The following DCAF4 variants were observed in gnomAD, a reference collection of about 807,000 sequenced individuals.
DCAF4 encodes DDB1 and CUL4 associated factor 4, also known as DDB1- and CUL4-associated factor 4.
Under a neutral mutation model 60.9 loss-of-function variants are expected in DCAF4, and 37 were observed. That is an observed-to-expected ratio of 0.61 (90% confidence interval 0.47 to 0.80). The LOEUF (loss-of-function observed/expected upper bound fraction) is 0.80. Ranked by LOEUF, DCAF4 falls within the 30% of genes least tolerant of loss-of-function variation. The pLI, the probability that DCAF4 is intolerant of heterozygous loss-of-function variation, is 0.00. For synonymous variants in DCAF4, 243 were observed against 254.8 expected, an observed-to-expected ratio of 0.95 and a Z score of 0.44; for missense variants, 577 against 650.0, an observed-to-expected ratio of 0.89 and a Z score of 1.22.
Position 72,942,953 on chromosome 14 carries a change from G to A in DCAF4, c.432-41G>A, listed in dbSNP as rs776113076. On this transcript the variant is annotated intron_variant, in intron 5 of 13. Transcript: ENST00000358377. ...AGACCCCCGAATCTTCTTCATGGAT[G>A]TCAGCTTCAGCATCCATGCCCCCAC... The A allele has an allele frequency of 6.4e-5, 102 of 1,595,158 alleles. No individual in the cohort carries two copies. In the East Asian group the frequency reaches 2.3e-3, roughly 35 times the overall value.
chr14:72,958,675 C>A lies in DCAF4; in HGVS notation c.1358C>A (p.Pro453His). Reference protein sequence around the residue: ...LHDARLLRTIPSPYPASKADI... With the variant: ...LHDARLLRTIHSPYPASKADI... ...GATGCCCGCCTACTGAGAACCATAC[C>A]CTCCCCGTACCCTGCCTCCAAGGCC... Residue 453 changes from proline (P) to histidine (H), a missense_variant, in exon 14 of 14, where the codon CCC (proline) becomes CAC (histidine). Physicochemically the swap from Pro to His is moderately conservative, Grantham distance 77. Transcript: ENST00000358377. 6.2e-7 allele frequency: 1 copy of A among 1,614,222 alleles called. No homozygotes were observed. Among genetic ancestry groups the A allele is most frequent in the Non-Finnish European group, 8.5e-7 (1 of 1,180,048 alleles).
At chr14:72,944,222 C>T (rs1208929447) in intron 6 of DCAF4, among the ~76,000 whole-genome samples, 1 of 152,122 alleles carries the variant, frequency 6.6e-6, no homozygotes, top group Non-Finnish European at 1.5e-5. Flanking sequence ...CCAAAGTTAC[C>T]GTGACTCTGG....
rs1567307708 is a variant in DCAF4 at position 72,941,839 on chromosome 14, CTT to C, written c.431+17_431+18del. 1.4e-5 allele frequency: 23 copies of C among 1,611,780 alleles called. No individual in the cohort carries two copies. The highest frequency in any genetic ancestry group is 1.9e-5 in the Non-Finnish European group (22 of 1,178,526). On this transcript the variant is annotated intron_variant, in intron 5 of 13. Transcript: ENST00000358377. ...AATTACTGCCAGTAAGACAATGCCT[CTT>C]TGTTATGTTTTCTTCATGAATGTTC...
rs528824798 is a variant in DCAF4, at chr14:72,950,330, T to C, written c.729-1468T>C. On this transcript the variant is annotated intron_variant, in intron 8 of 13. Transcript: ENST00000358377. ...AGGCTCTAGCCCGGGCATCTTGTGATAGGAGAAGGCCAGGATAGACCTCCC... is the reference window on the plus strand; with the variant it reads ...AGGCTCTAGCCCGGGCATCTTGTGACAGGAGAAGGCCAGGATAGACCTCCC... Among the ~76,000 whole-genome samples the C allele has an allele frequency of 4.6e-5, 7 of 151,988 alleles. No homozygotes were observed. The South Asian group carries it at 1.5e-3, about 32-fold the overall frequency.
At position 72,945,891 on chromosome 14, in the gene DCAF4, C is replaced by G. The variant is rs779495803; in HGVS notation, c.542C>G (p.Thr181Ser). The G allele has an allele frequency of 3.8e-5, 61 of 1,614,080 alleles. No individual in the cohort carries two copies. Among genetic ancestry groups the G allele is most frequent in the Non-Finnish European group, 4.9e-5 (58 of 1,180,050 alleles). ...SDRFNLILADTNSDRLFTVND... is the reference protein window; with the variant it reads ...SDRFNLILADSNSDRLFTVND... ...CCCCCTTCCCTTCTCCAGGCAGATA[C>G]CAACAGTGACCGGCTCTTCACAGTG... Residue 181 changes from threonine to serine, a missense_variant, in exon 7 of 14, where the codon ACC becomes AGC. Thr to Ser is a moderately conservative substitution (Grantham distance 58). Coordinates refer to ENST00000358377, the MANE Select transcript of DCAF4 (RefSeq NM_015604.4).
chr14:72,942,039 G>A (rs1890117143), intron 5 of DCAF4: 1 of 503,090 alleles, frequency 2.0e-6, no homozygotes, highest in African/African-American at 1.9e-5. Flanking sequence ...ACTCTTGCAG[G>A]AGGATAGGGA....
intron 6 of DCAF4, among the ~76,000 whole-genome samples, chr14:72,945,103 AC>A (rs1414215900): frequency 6.6e-6 from 1 of 151,428 alleles, no homozygotes; most frequent in Non-Finnish European, 1.5e-5. Context: ...AAATTAGCCC[AC>A]ATCCTGAGCG....
chr14:72,949,455 C>G (rs184859506), intron 8 of DCAF4, among the ~76,000 whole-genome samples: 3 of 152,038 alleles, frequency 2.0e-5, no homozygotes, highest in African/African-American at 7.2e-5. Flanking sequence ...GACCCTGTCT[C>G]TTAAAAAAGA....
chr14:72,929,560 T>C (rs1239169057), intron 1 of DCAF4: 3 of 853,782 alleles, frequency 3.5e-6, no homozygotes, highest in Non-Finnish European at 5.8e-6. Flanking sequence ...ATTTTTATTT[T>C]ATTTTTCCGT....
chr14:72,933,419 C>T (rs1409444899), intron 1 of DCAF4, among the ~76,000 whole-genome samples: 4 of 152,122 alleles, frequency 2.6e-5, no homozygotes, highest in African/African-American at 9.7e-5. Context: ...ATGAGCCAGG[C>T]ATGGTGGCAT....
chr14:72,953,934 G>A (rs2535910), intron 9 of DCAF4, among the ~76,000 whole-genome samples: 39,829 of 149,146 alleles, frequency 0.27, 5,769 homozygotes, highest in Non-Finnish European at 0.31. Flanking sequence ...AGTACTATTC[G>A]TACTGTAAAC....
intron 3 of DCAF4, 123 bp from the exon 4 acceptor site, chr14:72,940,097 G>C: frequency 7.3e-7 from 1 of 1,371,784 alleles, no homozygotes; most frequent in East Asian, 2.3e-5. Flanking sequence ...TGACAAGGCA[G>C]CTCATCCCCG....
At chr14:72,951,994 C>A in intron 9 of DCAF4, 117 bp downstream of exon 9, 1 of 1,096,122 alleles carries the variant, frequency 9.1e-7, no homozygotes. Context: ...ATTCCCTAAG[C>A]CTGTCCCAGG....
In DCAF4 at chr14:72,940,377, G is replaced by A; in HGVS notation, c.351G>A (p.Lys117=). The A allele has an allele frequency of 6.2e-7, 1 of 1,608,950 alleles. No individual in the cohort carries two copies. The highest frequency in any genetic ancestry group is 1.3e-5 in the African/African-American group (1 of 74,458). ...RLLQEEDRRK[K]IARMGFNASS... is the part of the protein sequence containing the mutation. ...TCCAGGAAGAAGACAGACGGAAAAAGGTGGGCTCCTCACCCCTTCGCCCCC... is the reference window on the plus strand; with the variant it reads ...TCCAGGAAGAAGACAGACGGAAAAAAGTGGGCTCCTCACCCCTTCGCCCCC... Residue 117 remains lysine (K), a splice_region_variant and synonymous_variant, in exon 4 of 14, where the codon AAG becomes AAA. Transcript: ENST00000358377.
intron 4 of DCAF4, 150 bp downstream of exon 4, chr14:72,940,527 A>C (rs1889890605): frequency 2.7e-6 from 2 of 738,698 alleles, no homozygotes; most frequent in Non-Finnish European, 4.1e-6. Flanking sequence ...TGACAGGAAG[A>C]AGACAAGAAT....
intron 1 of DCAF4, chr14:72,929,829 G>T: frequency 1.5e-6 from 2 of 1,323,400 alleles, no homozygotes; most frequent in Non-Finnish European, 2.2e-6. Context: ...TGGTGCGTTT[G>T]CTCAGACGCC....
intron 8 of DCAF4, among the ~76,000 whole-genome samples, chr14:72,951,378 G>A (rs911549055): frequency 1.3e-5 from 2 of 152,100 alleles, no homozygotes; most frequent in African/African-American, 2.4e-5. Context: ...TTGGGAGGCC[G>A]AGGCGGGCGG....
chr14:72,928,399 G>A (rs183301199), intron 1 of DCAF4, among the ~76,000 whole-genome samples: 54 of 148,590 alleles, frequency 3.6e-4, no homozygotes, highest in Non-Finnish European at 6.4e-4. Context: ...TCACCATGTT[G>A]GCCAGGATGG....
chr14:72,953,980 G>A (rs1025145557), intron 9 of DCAF4, among the ~76,000 whole-genome samples, 184 bp from the exon 10 acceptor site: 4 of 151,524 alleles, frequency 2.6e-5, no homozygotes, highest in African/African-American at 4.9e-5. Context: ...ATGCATTTTC[G>A]GAATAACCAC....
Sources: gnomAD v4.1 joint callset for allele counts (sites outside exome capture counted in the v4.1 genomes callset) on GRCh38, gnomAD v4.1.1 for gene constraint, MANE v1.5 for transcripts, NCBI Gene and HGNC (gene_info 2026-07-23, HGNC 2026-07-21) for gene names.